MAP3K9: variants seen among roughly 807,000 people sequenced by gnomAD.
MAP3K9 encodes the protein mitogen-activated protein kinase kinase kinase 9.
A neutral mutation model predicts 95.8 loss-of-function variants in MAP3K9; 46 were observed. The observed-to-expected ratio is 0.48, with a 90% CI of 0.38 to 0.61. The LOEUF (loss-of-function observed/expected upper bound fraction) is 0.61, where lower values mean the gene tolerates loss of function less well. Among genes scored for constraint, MAP3K9 ranks in the 20% least tolerant of loss-of-function variants. The pLI, the probability that MAP3K9 is intolerant of heterozygous loss-of-function variation, is 0.00. For missense variants in MAP3K9, 1,296 were observed against 1,474.3 expected (o/e 0.88, Z 1.98); for synonymous variants, 533 against 593.8 (o/e 0.90, Z 1.49).
chr14:70,807,557 CG>C (rs2055003716), intron 1 of MAP3K9, among the ~76,000 whole-genome samples: 1 of 152,006 alleles, frequency 6.6e-6, no homozygotes, highest in African/African-American at 2.4e-5. Context: ...GAGCCAAAAA[CG>C]TAACTGTTAC....
chr14:70,749,910 G>C, intron 4 of MAP3K9, 23 bp downstream of exon 4: 1 of 1,614,032 alleles, frequency 6.2e-7, no homozygotes, highest in South Asian at 1.1e-5. Flanking sequence ...TCTCCAGTTT[G>C]GTTCAGGCCA....
intron 2 of MAP3K9, among the ~76,000 whole-genome samples, chr14:70,782,261 A>G (rs924825203): frequency 2.4e-4 from 36 of 152,172 alleles, no homozygotes; most frequent in African/African-American, 8.4e-4. Context: ...TAATAAATTG[A>G]CCGTATTTCT....
rs993950664 is a variant in MAP3K9, at chr14:70,808,261, G to C, written c.406+505C>G. Among the ~76,000 whole-genome samples the C allele has an allele frequency of 2.0e-5, 3 of 152,160 alleles. No homozygotes were observed. The South Asian group carries it at 6.2e-4, about 32-fold the overall frequency. On this transcript the variant is annotated intron_variant, in intron 1 of 11. Coordinates refer to ENST00000554752, the MANE Select transcript of MAP3K9 (RefSeq NM_001284230.2). ...GCCTTGAGTTCACACATGCTTCCGG[G>C]ACTTGTGAGCCAGCTCAGCCCTGCG...
At chr14:70,796,830 G>C (rs2054869882) in intron 2 of MAP3K9, among the ~76,000 whole-genome samples, 1 of 152,194 alleles carries the variant, frequency 6.6e-6, no homozygotes, top group Non-Finnish European at 1.5e-5. Flanking sequence ...GTGAAAAATA[G>C]GAGCCTGGGT....
At chr14:70,804,874 C>T (rs1216790506) in intron 1 of MAP3K9, among the ~76,000 whole-genome samples, 11 of 152,056 alleles carry the variant, frequency 7.2e-5, no homozygotes, top group Admixed American at 7.2e-4. Flanking sequence ...GTATAGAACA[C>T]AACTTTCAAG....
Position 70,798,368 on chromosome 14 carries a change from T to C in MAP3K9, c.820+2299A>G, listed in dbSNP as rs188494235. Among the ~76,000 whole-genome samples, 3 of 151,398 alleles carry C rather than the reference T, an allele frequency of 2.0e-5. No homozygotes were observed. In the East Asian group the frequency reaches 5.8e-4, roughly 29 times the overall value. Reference sequence around the variant, plus strand: ...CCTACTTCTCTCAACATGATAAAAATATTAGAAAAAGTAAAATAAAGAAAA... The same window carrying C: ...CCTACTTCTCTCAACATGATAAAAACATTAGAAAAAGTAAAATAAAGAAAA... On this transcript the variant is annotated intron_variant, in intron 2 of 11. Transcript: ENST00000554752.
In MAP3K9 at chr14:70,736,739, G is replaced by A. The variant is rs1483807619; in HGVS notation, c.1845-710C>T. ...AGCCCAGAGCTCAAGGGACAAACTGGAGAGCTCTTGCTCCTACAAAACTTA... is the reference window on the plus strand; with the variant it reads ...AGCCCAGAGCTCAAGGGACAAACTGAAGAGCTCTTGCTCCTACAAAACTTA... On this transcript the variant is annotated intron_variant, in intron 8 of 11. Coordinates refer to ENST00000554752, the MANE Select transcript of MAP3K9 (RefSeq NM_001284230.2). Among the ~76,000 whole-genome samples the A allele has an allele frequency of 6.6e-5, 10 of 152,166 alleles. No individual in the cohort carries two copies. In the East Asian group the frequency reaches 1.3e-3, roughly 21 times the overall value.
chr14:70,779,276 TGA>T (rs1288374494), intron 2 of MAP3K9, among the ~76,000 whole-genome samples: 1 of 152,174 alleles, frequency 6.6e-6, no homozygotes, highest in Admixed American at 6.5e-5. Flanking sequence ...TGACAAGATT[TGA>T]GTTTCAGCAA....
chr14:70,735,837 C>T (rs558182420), intron 9 of MAP3K9, 124 bp downstream of exon 9: 2 of 776,152 alleles, frequency 2.6e-6, no homozygotes, highest in Admixed American at 4.2e-5. Flanking sequence ...AAAACAAAAA[C>T]AAAAAAGTCA....
intron 2 of MAP3K9, among the ~76,000 whole-genome samples, chr14:70,764,601 T>C (rs1594788638): frequency 6.9e-6 from 1 of 145,548 alleles, no homozygotes; most frequent in East Asian, 2.0e-4. Flanking sequence ...GAGGTCAAGG[T>C]GGGAGGATCG....
chr14:70,740,123 C>T lies in MAP3K9; in HGVS notation c.1609G>A (p.Asp537Asn). ...CTGTTGATAAGACTCTTCCTTTTAT[C>T]CATGGTAGGGGAGGCCTGCACCGTG... ...KFTVQASPTM[D>N]KRKSLINSRS... Residue 537 changes from aspartate (D) to asparagine (N), a missense_variant, in exon 7 of 12, where the codon GAT becomes AAT. Physicochemically the swap from Asp to Asn is conservative, Grantham distance 23. Around this residue, in one of 5 missense-constraint regions of MAP3K9, gnomAD observed 377 missense variants for 417.1 expected, o/e 0.90. Transcript: ENST00000554752. 1 of 1,614,058 alleles carries T rather than the reference C, an allele frequency of 6.2e-7. No homozygotes were observed. The highest frequency in any genetic ancestry group is 1.3e-5 in the African/African-American group (1 of 75,000).
chr14:70,740,292 C>G (rs2054052238), intron 6 of MAP3K9, 128 bp from the exon 7 acceptor site: 1 of 952,204 alleles, frequency 1.1e-6, no homozygotes, highest in African/African-American at 1.7e-5. Flanking sequence ...CTTTGTTCAC[C>G]TGGGAAATGT....
chr14:70,755,408 C>A (rs2054286173), intron 3 of MAP3K9, among the ~76,000 whole-genome samples: 2 of 152,246 alleles, frequency 1.3e-5, no homozygotes, highest in African/African-American at 4.8e-5. Flanking sequence ...ATATCTAGTT[C>A]TAATCATAGC....
At chr14:70,753,384 C>T (rs2054255975) in intron 3 of MAP3K9, among the ~76,000 whole-genome samples, 1 of 152,200 alleles carries the variant, frequency 6.6e-6, no homozygotes, top group Non-Finnish European at 1.5e-5. Context: ...ACTAGTTTTC[C>T]TCTGCCAACA....
intron 4 of MAP3K9, 153 bp downstream of exon 4, chr14:70,749,780 G>A: frequency 1.2e-6 from 1 of 818,494 alleles, no homozygotes; most frequent in Admixed American, 2.7e-5. Context: ...TCATCTTGAA[G>A]AAGCCTTTCC....
At chr14:70,734,638 C>T in intron 9 of MAP3K9, 140 bp from the exon 10 acceptor site, 2 of 610,308 alleles carry the variant, frequency 3.3e-6, no homozygotes, top group Non-Finnish European at 5.9e-6. Flanking sequence ...GGCAATGACT[C>T]TTACCAAGCC....
intron 2 of MAP3K9, among the ~76,000 whole-genome samples, chr14:70,772,215 G>A (rs2054541179): frequency 6.6e-6 from 1 of 152,204 alleles, no homozygotes; most frequent in South Asian, 2.1e-4. Flanking sequence ...GGCACAACCA[G>A]CAAAGCTATG....
rs771546928 is a variant in MAP3K9 at position 70,808,903 on chromosome 14, C to T, written c.269G>A (p.Gly90Asp). The T allele has an allele frequency of 2.5e-6, 4 of 1,596,698 alleles. No individual in the cohort carries two copies. The highest frequency in any genetic ancestry group is 3.4e-6 in the Non-Finnish European group (4 of 1,175,216). The part of the protein sequence containing the change: ...EVLSKDSQVS[G>D]DEGWWTGQLN... ...CTGCCCGGTCCACCAGCCCTCGTCG[C>T]CGGACACCTGCGAGTCCTTGGACAG... Residue 90 changes from glycine (G) to aspartate (D), a missense_variant, in exon 1 of 12, where the codon GGC (glycine) becomes GAC (aspartate). Coordinates refer to ENST00000554752, the MANE Select transcript of MAP3K9 (RefSeq NM_001284230.2).
intron 5 of MAP3K9, among the ~76,000 whole-genome samples, chr14:70,744,014 T>C (rs1239035044): frequency 6.6e-6 from 1 of 152,220 alleles, no homozygotes; most frequent in African/African-American, 2.4e-5. Context: ...ACCATGATAC[T>C]ATGCAGCCAT....
Sources: gnomAD v4.1 joint callset for allele counts (sites outside exome capture counted in the v4.1 genomes callset) on GRCh38, gnomAD v4.1.1 for gene constraint, gnomAD v4.1.1 regional missense constraint, MANE v1.5 for transcripts, NCBI Gene and HGNC (gene_info 2026-07-23, HGNC 2026-07-21) for gene names.